PPP3CA: variants seen among roughly 807,000 people sequenced by gnomAD.
The protein encoded by PPP3CA is CAM-PRP catalytic subunit.
PPP3CA carries 14 observed loss-of-function variants against 66.5 expected under a neutral mutation model. That is an observed-to-expected ratio of 0.21 (90% CI 0.14 to 0.33). The LOEUF is 0.33. PPP3CA is among the 10% of genes least tolerant of loss of function. PPP3CA has a pLI of 1.00. For synonymous variants in PPP3CA, 232 were observed against 226.2 expected (o/e 1.03, Z -0.23); for missense variants, 317 against 639.5 (o/e 0.50, Z 5.44).
intron 10 of PPP3CA, among the ~76,000 whole-genome samples, chr4:101,051,941 T>C (rs1728030474): frequency 1.3e-5 from 2 of 152,096 alleles, no homozygotes; most frequent in South Asian, 4.1e-4. Context: ...GGAGTATTTT[T>C]TGTAATATTA....
At chr4:101,206,318 C>T (rs1191948283) in intron 1 of PPP3CA, among the ~76,000 whole-genome samples, 1 of 152,144 alleles carries the variant, frequency 6.6e-6, no homozygotes, top group African/African-American at 2.4e-5. Flanking sequence ...ATTTCATTTT[C>T]AATTGTTTCA....
At chr4:101,083,082 T>C (rs2110240771) in intron 7 of PPP3CA, 104 bp downstream of exon 7, 1 of 795,258 alleles carries the variant, frequency 1.3e-6, no homozygotes, top group East Asian at 3.0e-5. Flanking sequence ...TAATTCCTTT[T>C]GGGAGTGAGC....
At chr4:101,086,571 T>C (rs1729684159) in intron 6 of PPP3CA, among the ~76,000 whole-genome samples, 3 of 152,192 alleles carry the variant, frequency 2.0e-5, no homozygotes, top group Admixed American at 6.5e-5. Flanking sequence ...TTTATGCCTT[T>C]ATGGATACTT....
rs1730733335 is a variant in PPP3CA at position 101,106,455 on chromosome 4, G to GAAAGAA, written c.384+2498_384+2499insTTCTTT. Among the ~76,000 whole-genome samples, 2 of 11,526 alleles carry GAAAGAA rather than the reference G, an allele frequency of 1.7e-4. 1 individual carries two copies. The highest frequency in any genetic ancestry group is 4.1e-4 in the Non-Finnish European group (2 of 4,894). 7.6% of individuals were successfully genotyped at this position (11,526 alleles called of 152,430 possible). A position where few individuals can be genotyped will look rare whatever the true frequency, so the allele number is the denominator to read the frequency against. On this transcript the variant is annotated intron_variant, in intron 3 of 13. Coordinates refer to ENST00000394854, the MANE Select transcript of PPP3CA (RefSeq NM_000944.5). ...AAAGAAAGAAAGAAAGAAAGAAAGAGAAAAGAAAAGAAAAGAAAAGAAAAG... is the reference window on the plus strand; with the variant it reads ...AAAGAAAGAAAGAAAGAAAGAAAGAGAAAGAAAAAAGAAAAGAAAAGAAAAGAAAAG...
intron 6 of PPP3CA, among the ~76,000 whole-genome samples, chr4:101,092,196 C>T (rs1033987467): frequency 1.3e-5 from 2 of 152,048 alleles, no homozygotes; most frequent in African/African-American, 4.8e-5. Context: ...ATATTTTCAA[C>T]TTGGCTTGTC....
At chr4:101,036,407 TTC>T (rs1727250090) in intron 11 of PPP3CA, among the ~76,000 whole-genome samples, 1 of 109,172 alleles carries the variant, frequency 9.2e-6, no homozygotes. Context: ...ACATTTCTTT[TTC>T]TTTCTTTCTT....
chr4:101,127,933 G>T (rs1722297651), intron 2 of PPP3CA, among the ~76,000 whole-genome samples: 1 of 152,190 alleles, frequency 6.6e-6, no homozygotes, highest in Non-Finnish European at 1.5e-5. Context: ...ATAAGTAGCA[G>T]AGCTGGAATT....
At chr4:101,132,056 G>A (rs1317820624) in intron 2 of PPP3CA, among the ~76,000 whole-genome samples, 1 of 152,160 alleles carries the variant, frequency 6.6e-6, no homozygotes, top group African/African-American at 2.4e-5. Context: ...TGAAACCAAT[G>A]AGAACAAAGA....
intron 10 of PPP3CA, among the ~76,000 whole-genome samples, chr4:101,059,785 T>C (rs553387806): frequency 1.3e-5 from 2 of 152,256 alleles, no homozygotes; most frequent in Admixed American, 1.3e-4. Context: ...ATTATTAGTT[T>C]ATGCATCAGT....
chr4:101,225,866 CAG>C (rs1209148977), intron 1 of PPP3CA, among the ~76,000 whole-genome samples: 3 of 151,684 alleles, frequency 2.0e-5, no homozygotes, highest in African/African-American at 4.8e-5. Context: ...ATATGTGAAA[CAG>C]AGGCAATCAA....
intron 1 of PPP3CA, among the ~76,000 whole-genome samples, chr4:101,222,503 C>A (rs983255599): frequency 6.6e-6 from 1 of 151,474 alleles, no homozygotes; most frequent in Non-Finnish European, 1.5e-5. Flanking sequence ...TCTTTCAATT[C>A]TGTGTGTTTA....
At chr4:101,075,437 C>A (rs1053444688) in intron 8 of PPP3CA, among the ~76,000 whole-genome samples, 1 of 152,028 alleles carries the variant, frequency 6.6e-6, no homozygotes, top group African/African-American at 2.4e-5. Context: ...GTTACATACC[C>A]CTGGTATATA....
intron 2 of PPP3CA, among the ~76,000 whole-genome samples, chr4:101,155,162 TACAA>T (rs1452208104): frequency 2.0e-5 from 3 of 152,100 alleles, no homozygotes; most frequent in African/African-American, 7.2e-5. Flanking sequence ...TGTTAAAACA[TACAA>T]ACAAACAAAA....
chr4:101,106,458 A>AAG (rs1730738313), intron 3 of PPP3CA, among the ~76,000 whole-genome samples: 1 of 32,676 alleles, frequency 3.1e-5, no homozygotes, highest in Non-Finnish European at 5.8e-5. Context: ...AGAAAGAGAA[A>AAG]AGAAAAGAAA....
intron 1 of PPP3CA, among the ~76,000 whole-genome samples, chr4:101,233,327 A>G (rs111332947): frequency 3.3e-5 from 5 of 151,842 alleles, no homozygotes; most frequent in African/African-American, 1.2e-4. Context: ...TAAATCCACA[A>G]AAGTCCAGGG....
chr4:101,175,761 G>A (rs573082364), intron 2 of PPP3CA, among the ~76,000 whole-genome samples: 4 of 152,270 alleles, frequency 2.6e-5, no homozygotes, highest in African/African-American at 9.6e-5. Flanking sequence ...ATTTTCAAAT[G>A]GAGAGGAATT....
intron 7 of PPP3CA, 117 bp downstream of exon 7, chr4:101,083,069 C>T: frequency 1.5e-6 from 1 of 657,002 alleles, no homozygotes; most frequent in Non-Finnish European, 2.3e-6. Flanking sequence ...TAATTTTAAG[C>T]TCTAATTCCT....
intron 2 of PPP3CA, among the ~76,000 whole-genome samples, chr4:101,171,877 T>C (rs1433393421): frequency 1.3e-5 from 2 of 152,202 alleles, no homozygotes; most frequent in Non-Finnish European, 1.5e-5. Flanking sequence ...AAAATGAGCA[T>C]GTCTCTCATT....
chr4:101,311,372 T>C (rs1012476693), intron 1 of PPP3CA, among the ~76,000 whole-genome samples: 1 of 152,198 alleles, frequency 6.6e-6, no homozygotes, highest in Non-Finnish European at 1.5e-5. Context: ...TAAGGAGATA[T>C]TTAAAAATCA....
Sources: gnomAD v4.1 joint callset for allele counts (sites outside exome capture counted in the v4.1 genomes callset) on GRCh38, gnomAD v4.1.1 for gene constraint, MANE v1.5 for transcripts, NCBI Gene and HGNC (gene_info 2026-07-23, HGNC 2026-07-21) for gene names.